The following RFC3 variants were observed in gnomAD, a reference collection of about 807,000 sequenced individuals.
The protein encoded by RFC3 is replication factor C subunit 3.
In RFC3, 41 loss-of-function variants were observed where a neutral mutation model predicts 45.1. The observed-to-expected ratio is 0.91, with a 90% CI of 0.71 to 1.18. RFC3 has a LOEUF of 1.18. RFC3 is among the 50% of genes most tolerant of loss of function. The pLI is 0.00. For synonymous variants in RFC3, 149 were observed against 144.0 expected (o/e 1.03, Z -0.25); for missense variants, 423 against 428.1 (o/e 0.99, Z 0.10).
intron 8 of RFC3, chr13:33,848,578 T>C (rs1490067150): frequency 6.6e-6 from 1 of 152,208 alleles, no homozygotes; most frequent in Non-Finnish European, 1.5e-5. Flanking sequence ...TGTAAACCTT[T>C]AGCATGTAAG....
At chr13:33,859,359 C>T (rs547144952) in intron 8 of RFC3, among the ~76,000 whole-genome samples, 8 of 152,016 alleles carry the variant, frequency 5.3e-5, no homozygotes, top group South Asian at 2.1e-4. Context: ...ATAATAGAGA[C>T]GATAATCAAT....
intron 4 of RFC3, among the ~76,000 whole-genome samples, chr13:33,826,343 C>G (rs1187595305): frequency 2.0e-5 from 3 of 152,008 alleles, no homozygotes; most frequent in Non-Finnish European, 4.4e-5. Context: ...TTGCCAAATT[C>G]TCTATCTGAA....
intron 8 of RFC3, among the ~76,000 whole-genome samples, chr13:33,914,031 A>G (rs564137254): frequency 6.6e-6 from 1 of 152,274 alleles, no homozygotes; most frequent in South Asian, 2.1e-4. Flanking sequence ...TCAATAGTAG[A>G]CAGCTAATTG....
chr13:33,940,924 C>A (rs568398342), intron 8 of RFC3, among the ~76,000 whole-genome samples: 1 of 152,304 alleles, frequency 6.6e-6, no homozygotes, highest in Non-Finnish European at 1.5e-5. Flanking sequence ...CACATATTTA[C>A]AACTTTCTGC....
Position 33,933,373 on chromosome 13 carries a change from T to A in RFC3, c.880-32714T>A, listed in dbSNP as rs2082864680. 2.6e-5 allele frequency among the ~76,000 whole-genome samples: 4 copies of A among 152,158 alleles called. No homozygotes were observed. The South Asian group carries it at 8.3e-4, about 32-fold the overall frequency. On this transcript the variant is annotated intron_variant, in intron 8 of 8. Transcript: ENST00000434425. ...TAAAATGAACTGCTGGTCAGTGCTG[T>A]GGAAACAATTTATCCCAAGAACTTA...
chr13:33,956,883 TTTTCC>T (rs980482345), intron 8 of RFC3, among the ~76,000 whole-genome samples: 14 of 152,202 alleles, frequency 9.2e-5, no homozygotes, highest in Non-Finnish European at 1.6e-4. Context: ...CATCTCTCTT[TTTTCC>T]TTTCCTTCTG....
intron 4 of RFC3, among the ~76,000 whole-genome samples, chr13:33,826,141 T>G (rs2082047186): frequency 6.6e-6 from 1 of 152,102 alleles, no homozygotes; most frequent in Non-Finnish European, 1.5e-5. Context: ...TATGACCGAG[T>G]CATATGTTCA....
chr13:33,957,508 A>T (rs1368288985), intron 8 of RFC3, among the ~76,000 whole-genome samples: 1 of 152,146 alleles, frequency 6.6e-6, no homozygotes, highest in African/African-American at 2.4e-5. Context: ...ACCACTTATG[A>T]CTACTGAATA....
intron 8 of RFC3, among the ~76,000 whole-genome samples, chr13:33,930,709 T>C (rs542013728): frequency 1.1e-4 from 16 of 152,258 alleles, no homozygotes; most frequent in Non-Finnish European, 2.1e-4. Context: ...AATTGTCAAC[T>C]CCTGACCTTC....
chr13:33,843,367 T>C (rs2082214169), intron 8 of RFC3, among the ~76,000 whole-genome samples: 1 of 152,206 alleles, frequency 6.6e-6, no homozygotes, highest in Non-Finnish European at 1.5e-5. Flanking sequence ...CCTATCTAAA[T>C]TGCAGCCTAA....
chr13:33,896,121 A>G (rs1212151463), intron 8 of RFC3, among the ~76,000 whole-genome samples: 1 of 151,988 alleles, frequency 6.6e-6, no homozygotes, highest in Non-Finnish European at 1.5e-5. Flanking sequence ...ATTTGTTTGC[A>G]TAACAAAAAA....
At chr13:33,880,827 G>C (rs2082478293) in intron 8 of RFC3, among the ~76,000 whole-genome samples, 1 of 152,188 alleles carries the variant, frequency 6.6e-6, no homozygotes, top group Admixed American at 6.5e-5. Flanking sequence ...GGAGGCAGGG[G>C]TGGGCAGATC....
rs2082086219 is a variant in RFC3, at chr13:33,829,918, C to A, written c.474C>A (p.Thr158=). The change falls in exon 5 of 9, where the codon ACC becomes ACA. Residue 158 remains threonine, a synonymous_variant. Coordinates refer to ENST00000380071, the MANE Select transcript of RFC3 (RefSeq NM_002915.4). ...LRRTMEKYMS[T]CRLILCCNST... is the part of the protein sequence containing the mutation. ...GAACCATGGAAAAATATATGTCTAC[C>A]TGCAGATTGATCTTGTGCTGCAATT... The A allele has an allele frequency of 6.2e-7, 1 of 1,613,968 alleles. No individual in the cohort carries two copies. The highest frequency in any genetic ancestry group is 8.5e-7 in the Non-Finnish European group (1 of 1,179,868).
chr13:33,960,899 C>G (rs991808155), intron 8 of RFC3, among the ~76,000 whole-genome samples: 1 of 152,156 alleles, frequency 6.6e-6, no homozygotes, highest in Non-Finnish European at 1.5e-5. Flanking sequence ...TCTGATCCCC[C>G]CCTCTTGTTC....
At chr13:33,949,667 G>C (rs973382478) in intron 8 of RFC3, among the ~76,000 whole-genome samples, 1 of 152,118 alleles carries the variant, frequency 6.6e-6, no homozygotes, top group Non-Finnish European at 1.5e-5. Flanking sequence ...AGGCCGCAGA[G>C]TGCCCAAATA....
chr13:33,976,577 T>G, the RFC3 span, among the ~76,000 whole-genome samples: 1 of 152,208 alleles, frequency 6.6e-6, no homozygotes, highest in South Asian at 2.1e-4. Flanking sequence ...CATAATGTTC[T>G]CATCACAAAG....
intron 8 of RFC3, 114 bp from the exon 9 acceptor site, chr13:33,835,990 C>A: frequency 1.8e-6 from 2 of 1,087,936 alleles, no homozygotes; most frequent in Non-Finnish European, 2.5e-6. Context: ...AATTAAAGAT[C>A]TCACACATAT....
chr13:33,894,443 A>T (rs950755440), intron 8 of RFC3, among the ~76,000 whole-genome samples: 1 of 152,170 alleles, frequency 6.6e-6, no homozygotes, highest in Non-Finnish European at 1.5e-5. Flanking sequence ...TGACAGTCAT[A>T]GGTTGAGAGA....
chr13:33,836,796 C>T lies in RFC3; in HGVS notation c.*501C>T, dbSNP rs2082158954. Reference sequence around the variant, plus strand: ...ATAATTATTGGTATGGACAAAATTGCAGATACCATTTCTGTTGAGGCTGCA... The same window carrying T: ...ATAATTATTGGTATGGACAAAATTGTAGATACCATTTCTGTTGAGGCTGCA... On this transcript the variant is annotated 3_prime_UTR_variant, in exon 9 of 9. Transcript: ENST00000380071. The T allele has an allele frequency of 2.0e-6, 2 of 985,572 alleles. No homozygotes were observed. Among genetic ancestry groups the T allele is most frequent in the Middle Eastern group, 5.2e-4 (1 of 1,914 alleles). 61.1% of individuals were successfully genotyped at this position (985,572 alleles called of 1,614,324 possible). A position where few individuals can be genotyped will look rare whatever the true frequency, so the allele number is the denominator to read the frequency against.
Sources: allele counts gnomAD v4.1 joint callset (sites outside exome capture counted in the v4.1 genomes callset), GRCh38; gene constraint gnomAD v4.1.1; transcripts MANE v1.5; gene names NCBI Gene and HGNC (gene_info 2026-07-23, HGNC 2026-07-21).